Variants in TTC17 observed in about 807,000 individuals in gnomAD.
The protein encoded by TTC17 is tetratricopeptide repeat protein 17.
TTC17 carries 58 observed loss-of-function variants against 143.8 expected under a neutral mutation model. The observed-to-expected ratio is 0.40, with a 90% CI of 0.33 to 0.50. The LOEUF (loss-of-function observed/expected upper bound fraction) is 0.50, where lower values mean the gene tolerates loss of function less well. TTC17 is among the 20% of genes least tolerant of loss of function. TTC17 has a pLI of 0.49. For missense variants in TTC17, 1,273 were observed against 1,392.5 expected, an observed-to-expected ratio of 0.91 and a Z score of 1.37; for synonymous variants, 501 against 497.8, an observed-to-expected ratio of 1.01 and a Z score of -0.09.
chr11:43,469,021 A>C (rs1948037554), intron 21 of TTC17, among the ~76,000 whole-genome samples: 1 of 152,268 alleles, frequency 6.6e-6, no homozygotes, highest in Non-Finnish European at 1.5e-5. Flanking sequence ...ACTACAATTT[A>C]GTAATTTTTA....
intron 21 of TTC17, among the ~76,000 whole-genome samples, chr11:43,478,149 T>C (rs1224674824): frequency 6.6e-6 from 1 of 152,318 alleles, no homozygotes; most frequent in Non-Finnish European, 1.5e-5. Flanking sequence ...AGTCTAATGC[T>C]GGAAACCAAC....
intron 16 of TTC17, among the ~76,000 whole-genome samples, chr11:43,434,595 T>C (rs1193008980): frequency 3.1e-4 from 47 of 152,190 alleles, no homozygotes; most frequent in Admixed American, 3.0e-3. Flanking sequence ...ATTCAAAAAA[T>C]ATTTCTTCCA....
At chr11:43,462,738 A>G (rs1006197133) in intron 21 of TTC17, among the ~76,000 whole-genome samples, 3 of 152,190 alleles carry the variant, frequency 2.0e-5, no homozygotes, top group Non-Finnish European at 2.9e-5. Context: ...AACATAATCT[A>G]AAATATATAA....
In TTC17 at chr11:43,405,877, C is replaced by T. The variant is rs752769060; in HGVS notation, c.1687C>T (p.Leu563=). Residue 563 remains leucine, a synonymous_variant, in exon 13 of 24, where the codon CTG becomes TTG. Coordinates refer to ENST00000039989, the MANE Select transcript of TTC17 (RefSeq NM_018259.6). ...SITDFRKSHT[L]SYLVKELEVR... The stretch of plus-strand genomic sequence containing the variant: ...AACTGACTTCAGAAAAAGCCACACT[C>T]TGTCCTACTTAGTCAAAGAATTAGA... 6.2e-7 allele frequency: 1 copy of T among 1,613,976 alleles called. No homozygotes were observed. Among genetic ancestry groups the T allele is most frequent in the African/African-American group, 1.3e-5 (1 of 74,926 alleles).
intron 15 of TTC17, among the ~76,000 whole-genome samples, chr11:43,412,860 G>T (rs1426317523): frequency 6.6e-6 from 1 of 152,102 alleles, no homozygotes; most frequent in East Asian, 1.9e-4. Context: ...TCAGATGTAA[G>T]ATCTCTGTAA....
chr11:43,444,034 C>G, intron 17 of TTC17, 22 bp from the exon 18 acceptor site: 1 of 1,588,100 alleles, frequency 6.3e-7, no homozygotes, highest in Non-Finnish European at 8.5e-7. Context: ...TCATTTGTCC[C>G]TAACATGTTT....
At chr11:43,474,248 C>T (rs1415038250) in intron 21 of TTC17, among the ~76,000 whole-genome samples, 2 of 151,990 alleles carry the variant, frequency 1.3e-5, no homozygotes, top group Admixed American at 1.3e-4. Context: ...ATAAAATCTC[C>T]AGGATATCAA....
At chr11:43,371,736 A>G (rs2134454524) in intron 1 of TTC17, among the ~76,000 whole-genome samples, 1 of 152,276 alleles carries the variant, frequency 6.6e-6, no homozygotes, top group Admixed American at 6.5e-5. Context: ...TGATCCTGAA[A>G]CTACCTAGGA....
At chr11:43,363,623 A>G (rs1379560793) in intron 1 of TTC17, among the ~76,000 whole-genome samples, 1 of 152,226 alleles carries the variant, frequency 6.6e-6, no homozygotes, top group Non-Finnish European at 1.5e-5. Context: ...CTCTTCTCCA[A>G]TCTTACTTAG....
At position 43,414,730 on chromosome 11, in the gene TTC17, G is replaced by A; in HGVS notation, c.2205G>A (p.Met735Ile). The change falls in exon 16 of 24, where the codon ATG becomes ATA. Residue 735 changes from methionine to isoleucine, a missense_variant. Physicochemically the swap from Met to Ile is conservative, Grantham distance 10. Transcript: ENST00000039989. ...CENSLKLIRC[M>I]QFYPFLYNIT... ...ACAGCCTGAAGTTGATCCGCTGTAT[G>A]CAGTTTTATCCTTTTCTGTACAACA... 1 of 1,613,662 alleles carries A rather than the reference G, an allele frequency of 6.2e-7. No individual in the cohort carries two copies. Among genetic ancestry groups the A allele is most frequent in the Admixed American group, 1.7e-5 (1 of 59,928 alleles).
chr11:43,363,082 C>T (rs1436269062), intron 1 of TTC17, among the ~76,000 whole-genome samples: 1 of 152,168 alleles, frequency 6.6e-6, no homozygotes, highest in Non-Finnish European at 1.5e-5. Flanking sequence ...GGGTCCTTAA[C>T]TTCGACCCCA....
At chr11:43,401,870 C>T (rs1181454026) in intron 10 of TTC17, among the ~76,000 whole-genome samples, 1 of 151,708 alleles carries the variant, frequency 6.6e-6, no homozygotes, top group South Asian at 2.1e-4. Context: ...CCCAGCTACT[C>T]GGGAGGCTGA....
At chr11:43,359,411 A>G in intron 1 of TTC17, 1 of 358,248 alleles carries the variant, frequency 2.8e-6, no homozygotes, top group East Asian at 5.0e-5. Context: ...ACCTTTTTTT[A>G]GCTCGGGGTT....
intron 2 of TTC17, among the ~76,000 whole-genome samples, chr11:43,383,699 A>G (rs889728923): frequency 1.3e-5 from 2 of 152,080 alleles, no homozygotes; most frequent in African/African-American, 2.4e-5. Context: ...AGAAGAAACA[A>G]TTGGGAATTT....
In TTC17 at chr11:43,399,899, G is replaced by A. The variant is rs546582250; in HGVS notation, c.1070G>A (p.Arg357Gln). Residue 357 changes from arginine to glutamine, a missense_variant, in exon 9 of 24, where the codon CGA becomes CAA. By Grantham distance (43) the Arg-to-Gln change is conservative (BLOSUM62 1). Transcript: ENST00000039989. ...TAAAAAATGTTAAGATCTCTCCAGCGAACACTGAATGAGTTAAAAGAGTAT... is the reference window on the plus strand; with the variant it reads ...TAAAAAATGTTAAGATCTCTCCAGCAAACACTGAATGAGTTAAAAGAGTAT... ...KLEAQHRSLQRTLNELKEYQK... is the reference protein window; with the variant it reads ...KLEAQHRSLQQTLNELKEYQK... 8.0e-5 allele frequency: 128 copies of A among 1,608,898 alleles called. No homozygotes were observed. The highest frequency in any genetic ancestry group is 9.8e-5 in the Non-Finnish European group (115 of 1,178,146).
At chr11:43,409,589 A>T (rs1781439767) in intron 15 of TTC17, among the ~76,000 whole-genome samples, 1 of 152,178 alleles carries the variant, frequency 6.6e-6, no homozygotes, top group South Asian at 2.1e-4. Flanking sequence ...GTGAGATGGA[A>T]TTTCCCCTTT....
intron 21 of TTC17, among the ~76,000 whole-genome samples, chr11:43,463,599 G>A (rs879942447): frequency 6.6e-6 from 1 of 152,088 alleles, no homozygotes; most frequent in Non-Finnish European, 1.5e-5. Context: ...GTTCTTGCAT[G>A]TGAAGTCTCA....
At chr11:43,442,168 A>G (rs1947438212) in intron 16 of TTC17, among the ~76,000 whole-genome samples, 1 of 152,194 alleles carries the variant, frequency 6.6e-6, no homozygotes, top group Admixed American at 6.5e-5. Context: ...CTCTAAACAT[A>G]TTTAAATGCA....
chr11:43,388,387 A>G (rs1437963018), intron 2 of TTC17, among the ~76,000 whole-genome samples: 1 of 145,786 alleles, frequency 6.9e-6, no homozygotes, highest in African/African-American at 2.4e-5. Flanking sequence ...ATATAATGAA[A>G]GTAATATTTT....
Sources: gnomAD v4.1 joint callset for allele counts (sites outside exome capture counted in the v4.1 genomes callset) on GRCh38, gnomAD v4.1.1 for gene constraint, MANE v1.5 for transcripts, NCBI Gene and HGNC (gene_info 2026-07-23, HGNC 2026-07-21) for gene names.